CACNA1D: variants seen among roughly 807,000 people sequenced by gnomAD.
CACNA1D encodes calcium voltage-gated channel subunit alpha1 D.
In CACNA1D, 55 loss-of-function variants were observed where a neutral mutation model predicts 257.1. The observed-to-expected ratio is 0.21, with a 90% confidence interval of 0.17 to 0.27. CACNA1D has a LOEUF of 0.27. Among genes scored for constraint, CACNA1D ranks in the 10% least tolerant of loss-of-function variants. CACNA1D has a pLI of 1.00. For missense variants in CACNA1D, 1,876 were observed against 2,784.0 expected (o/e 0.67, Z 7.34); for synonymous variants, 980 against 1,014.9 (o/e 0.97, Z 0.65).
intron 9 of CACNA1D, chr3:53,710,555 G>A (rs2094742697): frequency 6.7e-6 from 3 of 449,452 alleles, no homozygotes; most frequent in African/African-American, 6.0e-5. Context: ...ATTGTGTGAA[G>A]TGCATGTGCC....
intron 3 of CACNA1D, among the ~76,000 whole-genome samples, chr3:53,566,206 C>G (rs2092832539): frequency 6.6e-6 from 1 of 152,170 alleles, no homozygotes; most frequent in South Asian, 2.1e-4. Context: ...AAGTTCTTAC[C>G]ATAGCCTGGA....
At chr3:53,555,007 A>G (rs1325224613) in intron 3 of CACNA1D, among the ~76,000 whole-genome samples, 2 of 152,230 alleles carry the variant, frequency 1.3e-5, no homozygotes, top group Non-Finnish European at 2.9e-5. Context: ...ATCATTTTCA[A>G]ATATGTAGGA....
intron 5 of CACNA1D, among the ~76,000 whole-genome samples, chr3:53,664,859 C>A (rs2094244189): frequency 6.6e-6 from 1 of 152,238 alleles, no homozygotes; most frequent in Admixed American, 6.5e-5. Flanking sequence ...TGAACAAGAG[C>A]CCTGAGCTTC....
chr3:53,683,065 G>A (rs182769854), intron 8 of CACNA1D, among the ~76,000 whole-genome samples: 17 of 152,292 alleles, frequency 1.1e-4, no homozygotes, highest in Admixed American at 1.0e-3. Context: ...AGTGTTCAGG[G>A]CTGCTAAGAT....
chr3:53,652,497 T>G (rs2094107983), intron 4 of CACNA1D, among the ~76,000 whole-genome samples: 1 of 152,086 alleles, frequency 6.6e-6, no homozygotes, highest in Non-Finnish European at 1.5e-5. Flanking sequence ...GAGTTGTGAG[T>G]CCATGAGGCC....
intron 8 of CACNA1D, chr3:53,679,379 A>G (rs900435218): frequency 6.6e-6 from 1 of 151,090 alleles, no homozygotes; most frequent in African/African-American, 2.4e-5. Flanking sequence ...CCTCCAATAT[A>G]TATACCTCTG....
At chr3:53,718,004 C>T (rs1485730832) in intron 9 of CACNA1D, among the ~76,000 whole-genome samples, 2 of 152,146 alleles carry the variant, frequency 1.3e-5, no homozygotes, top group Admixed American at 6.5e-5. Flanking sequence ...TGGTGCTATA[C>T]CCAGCCACAG....
At chr3:53,787,754 A>G (rs1411467042) in intron 40 of CACNA1D, among the ~76,000 whole-genome samples, 1 of 152,062 alleles carries the variant, frequency 6.6e-6, no homozygotes, top group Non-Finnish European at 1.5e-5. Flanking sequence ...AGGGGCTAGG[A>G]AGGTGGTCTG....
chr3:53,499,382 A>ACC (rs2090491543), intron 2 of CACNA1D, among the ~76,000 whole-genome samples: 1 of 151,570 alleles, frequency 6.6e-6, no homozygotes, highest in Non-Finnish European at 1.5e-5. Context: ...AATCCTTTCC[A>ACC]CCCCGGGCAG....
chr3:53,623,213 C>T (rs899982456), intron 3 of CACNA1D, among the ~76,000 whole-genome samples: 3 of 152,146 alleles, frequency 2.0e-5, no homozygotes, highest in Non-Finnish European at 2.9e-5. Context: ...AGAGAAAGCG[C>T]GGTGTATCAA....
Position 53,786,650 on chromosome 3 carries a change from CT to C in CACNA1D, c.4793-167del, listed in dbSNP as rs2095454394. 4 of 632,894 alleles carry C rather than the reference CT, an allele frequency of 6.3e-6. No individual in the cohort carries two copies. In the South Asian group the frequency reaches 7.2e-5, roughly 11 times the overall value. 39.2% of individuals were successfully genotyped at this position (632,894 alleles called of 1,614,324 possible). A position where few individuals can be genotyped will look rare whatever the true frequency, so the allele number is the denominator to read the frequency against. The stretch of plus-strand genomic sequence containing the variant: ...GCCTTAGTTGCTTTGCAAAACCTTG[CT>C]TTTTGCTGGTTTGAGACCCCTGTGT... On this transcript the variant is annotated intron_variant, in intron 39 of 47. Transcript: ENST00000350061.
chr3:53,617,720 C>G (rs1482725431), intron 3 of CACNA1D, among the ~76,000 whole-genome samples: 2 of 152,268 alleles, frequency 1.3e-5, no homozygotes, highest in East Asian at 1.9e-4. Flanking sequence ...AGGGCTGGCT[C>G]TAAGCCCAAC....
intron 7 of CACNA1D, among the ~76,000 whole-genome samples, chr3:53,666,864 A>C (rs1465551180): frequency 6.6e-6 from 1 of 152,190 alleles, no homozygotes; most frequent in Non-Finnish European, 1.5e-5. Flanking sequence ...AACTCTTAAG[A>C]GAGCCAAAGG....
At chr3:53,554,426 G>A (rs2092600132) in intron 3 of CACNA1D, among the ~76,000 whole-genome samples, 1 of 152,120 alleles carries the variant, frequency 6.6e-6, no homozygotes, top group African/African-American at 2.4e-5. Context: ...TAGCCTCACA[G>A]CCCCCTCACT....
intron 40 of CACNA1D, among the ~76,000 whole-genome samples, chr3:53,798,317 G>GTA (rs1559706561): frequency 1.3e-5 from 2 of 148,330 alleles, no homozygotes; most frequent in Admixed American, 1.4e-4. Flanking sequence ...GCGTGTGTGT[G>GTA]TGTGTGTGTG....
chr3:53,709,088 G>A (rs1384877910), intron 9 of CACNA1D, among the ~76,000 whole-genome samples: 3 of 152,164 alleles, frequency 2.0e-5, no homozygotes, highest in Non-Finnish European at 4.4e-5. Flanking sequence ...GCAGGAATAG[G>A]GTCTGTTTCT....
chr3:53,685,436 C>G (rs2094465721), intron 8 of CACNA1D, among the ~76,000 whole-genome samples: 1 of 152,082 alleles, frequency 6.6e-6, no homozygotes, highest in Non-Finnish European at 1.5e-5. Flanking sequence ...TAGATAATAT[C>G]TAGATTATAT....
chr3:53,737,064 C>T (rs1171663043), intron 20 of CACNA1D, among the ~76,000 whole-genome samples: 5 of 152,088 alleles, frequency 3.3e-5, no homozygotes, highest in South Asian at 2.1e-4. Flanking sequence ...TTTGGGAGGC[C>T]GAAGTGGGTG....
chr3:53,704,217 TGA>T (rs2094659840), intron 9 of CACNA1D, among the ~76,000 whole-genome samples: 1 of 152,172 alleles, frequency 6.6e-6, no homozygotes, highest in South Asian at 2.1e-4. Flanking sequence ...GCTTCTTGAC[TGA>T]GAGGGCCCTT....
Sources: allele counts gnomAD v4.1 joint callset (sites outside exome capture counted in the v4.1 genomes callset), GRCh38; gene constraint gnomAD v4.1.1; transcripts MANE v1.5; gene names NCBI Gene and HGNC (gene_info 2026-07-23, HGNC 2026-07-21).